The following SOX6 variants were observed in gnomAD, a reference collection of about 807,000 sequenced individuals.
SOX6 encodes the protein SRY-box transcription factor 6.
Under a neutral mutation model 97.8 loss-of-function variants are expected in SOX6, and 11 were observed. That is an observed-to-expected ratio of 0.11 (90% CI 0.07 to 0.19). SOX6 has a LOEUF of 0.19. Ranked by LOEUF, SOX6 falls within the 10% of genes least tolerant of loss-of-function variation. The pLI is 1.00. For synonymous variants in SOX6, 360 were observed against 371.4 expected (o/e 0.97, Z 0.35); for missense variants, 810 against 1,039.5 (o/e 0.78, Z 3.04).
intron 4 of SOX6, among the ~76,000 whole-genome samples, chr11:16,210,100 C>T (rs549592809): frequency 6.6e-6 from 1 of 152,160 alleles, no homozygotes; most frequent in South Asian, 2.1e-4. Flanking sequence ...AAAGGTTAAA[C>T]AGAGTTACTA....
intron 9 of SOX6, among the ~76,000 whole-genome samples, chr11:16,075,048 G>C (rs1043711614): frequency 1.3e-5 from 2 of 151,964 alleles, no homozygotes; most frequent in African/African-American, 4.8e-5. Flanking sequence ...TAGACCAATG[G>C]AACAGAATAT....
intron 2 of SOX6, among the ~76,000 whole-genome samples, chr11:16,730,425 C>T (rs878898642): frequency 1.3e-5 from 2 of 152,148 alleles, no homozygotes; most frequent in Non-Finnish European, 2.9e-5. Flanking sequence ...CAAATTAGAA[C>T]TCAGGATTAA....
chr11:16,224,086 A>T (rs1362619657), intron 4 of SOX6, among the ~76,000 whole-genome samples: 1 of 152,078 alleles, frequency 6.6e-6, no homozygotes, highest in Admixed American at 6.6e-5. Flanking sequence ...AAACAAAATC[A>T]ATAGAAATAT....
At chr11:16,031,870 T>G (rs1302629661) in intron 12 of SOX6, among the ~76,000 whole-genome samples, 2 of 151,844 alleles carry the variant, frequency 1.3e-5, no homozygotes, top group Non-Finnish European at 1.5e-5. Flanking sequence ...GACAAAGAAG[T>G]GTGGACCGAG....
At chr11:16,176,803 G>A (rs1477923085) in intron 6 of SOX6, among the ~76,000 whole-genome samples, 2 of 151,858 alleles carry the variant, frequency 1.3e-5, no homozygotes, top group Non-Finnish European at 2.9e-5. Flanking sequence ...CACAAAAAGG[G>A]CAAATGGAGA....
At chr11:16,611,347 G>C (rs973327354) in intron 4 of SOX6, among the ~76,000 whole-genome samples, 2 of 152,198 alleles carry the variant, frequency 1.3e-5, no homozygotes, top group South Asian at 2.1e-4. Context: ...AGACCTACAT[G>C]ATTTCATATT....
intron 4 of SOX6, among the ~76,000 whole-genome samples, chr11:16,489,835 A>G (rs1357990137): frequency 2.0e-5 from 3 of 152,122 alleles, no homozygotes; most frequent in African/African-American, 7.2e-5. Context: ...AGTCTAGTAT[A>G]CTGAGAAAGT....
At chr11:16,582,965 T>G (rs187992663) in intron 4 of SOX6, among the ~76,000 whole-genome samples, 1 of 152,144 alleles carries the variant, frequency 6.6e-6, no homozygotes, top group East Asian at 1.9e-4. Flanking sequence ...GACGCTACTA[T>G]CAAAACCCTT....
At chr11:16,673,219 G>A (rs1260848463) in intron 3 of SOX6, among the ~76,000 whole-genome samples, 1 of 151,982 alleles carries the variant, frequency 6.6e-6, no homozygotes, top group East Asian at 1.9e-4. Flanking sequence ...AGAAAAGCAA[G>A]ACAAAACCAA....
intron 3 of SOX6, among the ~76,000 whole-genome samples, chr11:16,268,510 G>C (rs1192480134): frequency 6.6e-6 from 1 of 151,138 alleles, no homozygotes; most frequent in Non-Finnish European, 1.5e-5. Flanking sequence ...TGATACGATA[G>C]AGAAGACGGT....
At chr11:16,018,497 G>C (rs1027026329) in intron 12 of SOX6, among the ~76,000 whole-genome samples, 3 of 152,016 alleles carry the variant, frequency 2.0e-5, no homozygotes, top group African/African-American at 7.2e-5. Context: ...GTAAAATTGT[G>C]ATCTGGGGAA....
intron 1 of SOX6, among the ~76,000 whole-genome samples, chr11:16,379,915 A>G (rs1590172283): frequency 6.6e-6 from 1 of 152,044 alleles, no homozygotes; most frequent in Non-Finnish European, 1.5e-5. Context: ...TAATAATGTA[A>G]AACAACAGGT....
At chr11:16,513,407 C>T (rs4412728) in intron 4 of SOX6, among the ~76,000 whole-genome samples, 2 of 151,728 alleles carry the variant, frequency 1.3e-5, no homozygotes, top group East Asian at 1.9e-4. Context: ...CCAAGGCGGG[C>T]GGATCACTTG....
chr11:15,992,534 C>A lies in SOX6; in HGVS notation c.1733-3304G>T, dbSNP rs889346488. Among the ~76,000 whole-genome samples, 7 of 152,142 alleles carry A rather than the reference C, an allele frequency of 4.6e-5. No homozygotes were observed. The South Asian group carries it at 1.5e-3, about 32-fold the overall frequency. ...TGCAAATTATGCCCAGGAGGTCACTCTCCTTAATTAGAAAGTCAATGAAAA... is the reference window on the plus strand; with the variant it reads ...TGCAAATTATGCCCAGGAGGTCACTATCCTTAATTAGAAAGTCAATGAAAA... On this transcript the variant is annotated intron_variant, in intron 13 of 15. Coordinates refer to ENST00000683767, the MANE Select transcript of SOX6 (RefSeq NM_001367873.1).
intron 13 of SOX6, among the ~76,000 whole-genome samples, chr11:15,997,779 T>C (rs1295732492): frequency 6.6e-6 from 1 of 152,196 alleles, no homozygotes; most frequent in African/African-American, 2.4e-5. Context: ...AAGGCGAAGA[T>C]GTCCACTCTC....
At chr11:16,623,908 T>A (rs1302305531) in intron 3 of SOX6, among the ~76,000 whole-genome samples, 2 of 152,148 alleles carry the variant, frequency 1.3e-5, no homozygotes, top group Non-Finnish European at 1.5e-5. Flanking sequence ...AAACTATACA[T>A]CTATATAAAC....
intron 1 of SOX6, among the ~76,000 whole-genome samples, chr11:16,449,384 C>A (rs1859676462): frequency 6.7e-6 from 1 of 148,906 alleles, no homozygotes; most frequent in Non-Finnish European, 1.5e-5. Flanking sequence ...GCTCCGCCTC[C>A]CGGGTTCGCG....
intron 1 of SOX6, among the ~76,000 whole-genome samples, chr11:16,397,269 A>G (rs1057300167): frequency 2.0e-4 from 31 of 151,684 alleles, no homozygotes; most frequent in African/African-American, 7.5e-4. Context: ...CTACTTATGT[A>G]AATACTTTTT....
At chr11:16,736,233 T>G (rs1319012247) in intron 2 of SOX6, 1 of 152,244 alleles carries the variant, frequency 6.6e-6, no homozygotes, top group Non-Finnish European at 1.5e-5. Context: ...TTTCATTGTT[T>G]CACTCATGAT....
Sources: allele counts gnomAD v4.1 joint callset (sites outside exome capture counted in the v4.1 genomes callset), GRCh38; gene constraint gnomAD v4.1.1; transcripts MANE v1.5; gene names NCBI Gene and HGNC (gene_info 2026-07-23, HGNC 2026-07-21).